DHRS9: variants seen among roughly 807,000 people sequenced by gnomAD.
The protein encoded by DHRS9 is dehydrogenase/reductase 9.
A neutral mutation model predicts 26.6 loss-of-function variants in DHRS9; 18 were observed. That is an observed-to-expected ratio of 0.68 (90% CI 0.47 to 1.00). The LOEUF is 1.00. DHRS9 is among the 50% of genes least tolerant of loss of function. The pLI is 0.00. For synonymous variants in DHRS9, 134 were observed against 141.1 expected, an observed-to-expected ratio of 0.95 and a Z score of 0.36; for missense variants, 425 against 378.7, an observed-to-expected ratio of 1.12 and a Z score of -1.01.
chr2:169,091,093 G>C (rs1382641153), intron 3 of DHRS9, among the ~76,000 whole-genome samples: 1 of 152,098 alleles, frequency 6.6e-6, no homozygotes, highest in African/African-American at 2.4e-5. Flanking sequence ...AACTTACAAT[G>C]AGTTTATCAG....
intron 3 of DHRS9, among the ~76,000 whole-genome samples, chr2:169,088,425 T>G (rs1446212477): frequency 6.6e-6 from 1 of 152,218 alleles, no homozygotes; most frequent in Non-Finnish European, 1.5e-5. Context: ...CTTCAGGGCC[T>G]CTTTCAGTGA....
rs904848300 is a variant in DHRS9 at position 169,078,081 on chromosome 2, C to T, written c.-59-3442C>T. On this transcript the variant is annotated intron_variant, in intron 1 of 4. Transcript: ENST00000674881. ...TGGAGTGCTCCAGTCCCCAGAGCCCCTCATCTGTCTCCTATAGTGGAAGGA... is the reference window on the plus strand; with the variant it reads ...TGGAGTGCTCCAGTCCCCAGAGCCCTTCATCTGTCTCCTATAGTGGAAGGA... 3.9e-5 allele frequency among the ~76,000 whole-genome samples: 6 copies of T among 152,198 alleles called. No individual in the cohort carries two copies. In the East Asian group the frequency reaches 1.2e-3, roughly 29 times the overall value.
chr2:169,093,840 G>A, intron 4 of DHRS9, among the ~76,000 whole-genome samples: 1 of 152,170 alleles, frequency 6.6e-6, no homozygotes. Flanking sequence ...GTTTAAAATA[G>A]CCACTAAGAC....
chr2:169,071,611 G>C lies in DHRS9; in HGVS notation c.-60+1894G>C, dbSNP rs1683806616. The stretch of plus-strand genomic sequence containing the variant: ...ACGAACTCCATGCCTCGCTGTCCCA[G>C]TACCCAAAGCACAGTCTGGCTGCCA... On this transcript the variant is annotated intron_variant, in intron 1 of 4. Transcript: ENST00000674881. Among the ~76,000 whole-genome samples the C allele has an allele frequency of 2.0e-5, 3 of 152,244 alleles. No homozygotes were observed. In the South Asian group the frequency reaches 6.2e-4, roughly 32 times the overall value.
At chr2:169,072,636 A>G (rs1683842657) in intron 1 of DHRS9, 1 of 985,478 alleles carries the variant, frequency 1.0e-6, no homozygotes, top group South Asian at 4.7e-5. Context: ...TCGAGTTGCA[A>G]TATTTTCCTT....
At chr2:169,075,612 A>AT (rs1421806060) in intron 1 of DHRS9, among the ~76,000 whole-genome samples, 1 of 152,066 alleles carries the variant, frequency 6.6e-6, no homozygotes, top group Non-Finnish European at 1.5e-5. Context: ...AGAAAAAAAA[A>AT]TTTTGATCCA....
rs1684194623 is a variant in DHRS9, at chr2:169,081,744, C to A, written c.163C>A (p.His55Asn). 1.2e-6 allele frequency: 2 copies of A among 1,614,164 alleles called. No homozygotes were observed. Among genetic ancestry groups the A allele is most frequent in the Non-Finnish European group, 1.7e-6 (2 of 1,180,030 alleles). The change falls in exon 2 of 5, where the codon CAT becomes AAT. Residue 55 changes from histidine to asparagine, a missense_variant. By Grantham distance (68) the His-to-Asn change is moderately conservative (BLOSUM62 1). Coordinates refer to ENST00000674881, the MANE Select transcript of DHRS9 (RefSeq NM_001376924.1). Reference protein sequence around the residue: ...AARTFDKKGFHVIAACLTESG... With the variant: ...AARTFDKKGFNVIAACLTESG... ...CAGAACTTTTGATAAAAAGGGATTTCATGTAATCGCTGCCTGTCTGACTGA... is the reference window on the plus strand; with the variant it reads ...CAGAACTTTTGATAAAAAGGGATTTAATGTAATCGCTGCCTGTCTGACTGA...
intron 3 of DHRS9, among the ~76,000 whole-genome samples, chr2:169,091,518 C>T (rs928135352): frequency 2.6e-5 from 4 of 152,110 alleles, no homozygotes; most frequent in East Asian, 1.9e-4. Context: ...ATGATGAGAG[C>T]GTGGAGAACA....
At chr2:169,067,128 G>A, upstream of DHRS9, 1 of 1,535,112 alleles carries the variant, frequency 6.5e-7, no homozygotes, top group South Asian at 1.2e-5. Flanking sequence ...AATGACTTGA[G>A]AGAGAGGATT....
chr2:169,084,324 A>G (rs1237307969), intron 3 of DHRS9, among the ~76,000 whole-genome samples: 2 of 150,672 alleles, frequency 1.3e-5, no homozygotes, highest in East Asian at 3.9e-4. Flanking sequence ...TCTCTTTGAT[A>G]TGTTTATTTC....
In DHRS9 at chr2:169,081,849, G is replaced by A; in HGVS notation, c.268G>A (p.Val90Ile). 1 of 1,613,622 alleles carries A rather than the reference G, an allele frequency of 6.2e-7. No homozygotes were observed. Among genetic ancestry groups the A allele is most frequent in the Non-Finnish European group, 8.5e-7 (1 of 1,179,760 alleles). Reference sequence around the variant, plus strand: ...TCTGGATGTGACCGACCCAGAGAATGTCAAGAGGACTGCCCAGTGGGTGAA... The same window carrying A: ...TCTGGATGTGACCGACCCAGAGAATATCAAGAGGACTGCCCAGTGGGTGAA... ...VLLDVTDPEN[V>I]KRTAQWVKNQ... Residue 90 changes from valine to isoleucine, a missense_variant, in exon 2 of 5, where the codon GTC becomes ATC. Physicochemically the swap from Val to Ile is conservative, Grantham distance 29 (BLOSUM62 3). Transcript: ENST00000674881.
chr2:169,091,824 T>C lies in DHRS9; in HGVS notation c.607T>C (p.Cys203Arg). The C allele has an allele frequency of 6.2e-7, 1 of 1,613,918 alleles. No individual in the cohort carries two copies. The highest frequency in any genetic ancestry group is 8.5e-7 in the Non-Finnish European group (1 of 1,179,870). Residue 203 changes from cysteine (C) to arginine (R), a missense_variant, in exon 4 of 5, where the codon TGC becomes CGC. Physicochemically the swap from Cys to Arg is radical, Grantham distance 180 (BLOSUM62 -3). Transcript: ENST00000674881. ...GAAAGCTTTTGGTGTGCACGTCTCA[T>C]GCATTGAACCAGGATTGTTCAAAAC... Reference protein sequence around the residue: ...DMKAFGVHVSCIEPGLFKTNL... With the variant: ...DMKAFGVHVSRIEPGLFKTNL...
chr2:169,073,267 G>A (rs141712560), intron 1 of DHRS9, among the ~76,000 whole-genome samples: 504 of 152,260 alleles, frequency 3.3e-3, no homozygotes, highest in Non-Finnish European at 4.8e-3. Context: ...TATCAGTCCC[G>A]GAATTGCCAC....
chr2:169,072,750 G>GA, intron 1 of DHRS9: 1 of 748,626 alleles, frequency 1.3e-6, no homozygotes, highest in South Asian at 6.0e-5. Flanking sequence ...ATATGGTAGA[G>GA]AAAGTTTGAT....
chr2:169,087,961 G>A (rs1684404594), intron 3 of DHRS9, among the ~76,000 whole-genome samples: 1 of 152,098 alleles, frequency 6.6e-6, no homozygotes, highest in African/African-American at 2.4e-5. Context: ...GGGGCTGGGG[G>A]AGGGGTAGCA....
At chr2:169,085,639 A>C (rs190828654) in intron 3 of DHRS9, among the ~76,000 whole-genome samples, 2 of 152,168 alleles carry the variant, frequency 1.3e-5, no homozygotes, top group East Asian at 3.9e-4. Context: ...TGCTGTTGGC[A>C]TACAGAAATT....
chr2:169,083,021 AAAGT>A (rs1684239871), intron 2 of DHRS9, among the ~76,000 whole-genome samples: 1 of 152,202 alleles, frequency 6.6e-6, no homozygotes, highest in Non-Finnish European at 1.5e-5. Flanking sequence ...CCTAAAACTT[AAAGT>A]ATAATAAGAA....
At chr2:169,092,765 A>G (rs1684570955) in intron 4 of DHRS9, among the ~76,000 whole-genome samples, 1 of 152,220 alleles carries the variant, frequency 6.6e-6, no homozygotes, top group South Asian at 2.1e-4. Context: ...GAATAATAAT[A>G]AAGATGACAT....
intron 3 of DHRS9, among the ~76,000 whole-genome samples, chr2:169,085,673 T>C (rs1684328361): frequency 6.6e-6 from 1 of 152,208 alleles, no homozygotes; most frequent in African/African-American, 2.4e-5. Context: ...AATAGAAATC[T>C]TTTTTGGATT....
Sources: gnomAD v4.1 joint callset for allele counts (sites outside exome capture counted in the v4.1 genomes callset) on GRCh38, gnomAD v4.1.1 for gene constraint, MANE v1.5 for transcripts, NCBI Gene and HGNC (gene_info 2026-07-23, HGNC 2026-07-21) for gene names.